The following MEGF9 variants were observed in gnomAD, a reference collection of about 807,000 sequenced individuals.
The protein encoded by MEGF9 is multiple epidermal growth factor-like domains protein 9.
Under a neutral mutation model 46.8 loss-of-function variants are expected in MEGF9, and 6 were observed. That is an observed-to-expected ratio of 0.13 (90% CI 0.07 to 0.25). The LOEUF is 0.25. Among genes scored for constraint, MEGF9 ranks in the 10% least tolerant of loss-of-function variants. The pLI is 1.00. For missense variants in MEGF9, 683 were observed against 792.4 expected, an observed-to-expected ratio of 0.86 and a Z score of 1.66; for synonymous variants, 302 against 330.7, an observed-to-expected ratio of 0.91 and a Z score of 0.94.
At chr9:120,636,817 G>C (rs1002249626) in intron 2 of MEGF9, among the ~76,000 whole-genome samples, 2 of 150,908 alleles carry the variant, frequency 1.3e-5, no homozygotes, top group Admixed American at 6.6e-5. Context: ...TGGGAGGTGG[G>C]GGGGCGCCCC....
At chr9:120,639,508 TA>T (rs61638928) in intron 2 of MEGF9, among the ~76,000 whole-genome samples, 1,940 of 105,176 alleles carry the variant, frequency 0.018, 24 homozygotes, top group African/African-American at 0.033. Context: ...ACTCCGTCTT[TA>T]AAAAAAAAAA....
At chr9:120,651,738 C>T (rs1486731166) in intron 2 of MEGF9, among the ~76,000 whole-genome samples, 4 of 151,204 alleles carry the variant, frequency 2.6e-5, no homozygotes, top group African/African-American at 4.9e-5. Context: ...CTGCAACCTC[C>T]GCCTCCCCGG....
rs892967616 is a variant in MEGF9 at position 120,644,231 on chromosome 9, T to C, written c.803+15143A>G. Among the ~76,000 whole-genome samples the C allele has an allele frequency of 5.3e-5, 8 of 152,218 alleles. No individual in the cohort carries two copies. In the South Asian group the frequency reaches 1.4e-3, roughly 28 times the overall value. ...TTTCTCAGTCTTTTCTTGTCTCTTA[T>C]GACCTTGAAGCTTTTAAGGGAACTT... is the stretch of plus-strand genomic sequence containing the variant. On this transcript the variant is annotated intron_variant, in intron 2 of 5. Coordinates refer to ENST00000373930, the MANE Select transcript of MEGF9 (RefSeq NM_001080497.3).
At chr9:120,642,072 T>A (rs2043605616) in intron 2 of MEGF9, among the ~76,000 whole-genome samples, 1 of 152,190 alleles carries the variant, frequency 6.6e-6, no homozygotes, top group African/African-American at 2.4e-5. Context: ...TGCCTGCCTT[T>A]TAACTTAAAC....
At chr9:120,709,234 T>C (rs1302080918) in intron 1 of MEGF9, among the ~76,000 whole-genome samples, 2 of 151,898 alleles carry the variant, frequency 1.3e-5, no homozygotes, top group East Asian at 1.9e-4. Flanking sequence ...CTGGCCAACA[T>C]GGTGAAACCC....
rs1301270589 is a variant in MEGF9, at chr9:120,713,986, T to C, written c.373A>G (p.Thr125Ala). The change falls in exon 1 of 6, where the codon ACC (threonine) becomes GCC (alanine). Residue 125 changes from threonine (T) to alanine (A), a missense_variant. Coordinates refer to ENST00000373930, the MANE Select transcript of MEGF9 (RefSeq NM_001080497.3). ...TFQAPLGPSP[T>A]TPPAAERTST... is the part of the protein sequence containing the mutation. ...GTGCGTTCCGCCGCCGGAGGGGTGG[T>C]CGGCGAGGGGCCGAGCGGCGCCTGA... 1.4e-6 allele frequency: 2 copies of C among 1,380,384 alleles called. No homozygotes were observed. Among genetic ancestry groups the C allele is most frequent in the African/African-American group, 3.0e-5 (2 of 66,886 alleles). 85.5% of individuals were successfully genotyped at this position (1,380,384 alleles called of 1,614,324 possible).
rs1401615780 is a variant in MEGF9, at chr9:120,601,215, T to A, written c.*3975A>T. On this transcript the variant is annotated 3_prime_UTR_variant, in exon 6 of 6. Transcript: ENST00000373930. ...CATTTAGCTTTTGGACTAACTTAGA[T>A]CTGAAGCCCTGGGCTTACTTTCTAG... 1 of 152,388 alleles carries A rather than the reference T, an allele frequency of 6.6e-6. No individual in the cohort carries two copies. Among genetic ancestry groups the A allele is most frequent in the Non-Finnish European group, 1.5e-5 (1 of 68,048 alleles). 9.4% of individuals were successfully genotyped at this position (152,388 alleles called of 1,614,324 possible).
intron 2 of MEGF9, among the ~76,000 whole-genome samples, chr9:120,658,613 T>G (rs1018621214): frequency 2.0e-5 from 3 of 152,112 alleles, no homozygotes; most frequent in Admixed American, 2.0e-4. Flanking sequence ...AGATCTTGGG[T>G]TATACCCAGG....
chr9:120,657,084 T>C (rs2043680717), intron 2 of MEGF9, among the ~76,000 whole-genome samples: 1 of 152,226 alleles, frequency 6.6e-6, no homozygotes, highest in South Asian at 2.1e-4. Context: ...TTGCAGCCCA[T>C]ACAGTCTCTA....
intron 1 of MEGF9, among the ~76,000 whole-genome samples, chr9:120,673,196 A>G (rs1258700047): frequency 6.6e-6 from 1 of 152,248 alleles, no homozygotes; most frequent in Non-Finnish European, 1.5e-5. Flanking sequence ...CTTTATGCTA[A>G]AAACTACAAA....
At chr9:120,658,599 C>G (rs2043687814) in intron 2 of MEGF9, among the ~76,000 whole-genome samples, 1 of 152,158 alleles carries the variant, frequency 6.6e-6, no homozygotes, top group Non-Finnish European at 1.5e-5. Flanking sequence ...TCCTAAGTGG[C>G]AGCAGATCTT....
At chr9:120,634,577 A>G (rs553166255) in intron 2 of MEGF9, among the ~76,000 whole-genome samples, 77 of 149,462 alleles carry the variant, frequency 5.2e-4, no homozygotes, top group African/African-American at 1.9e-3. Context: ...TGCCTCAGGA[A>G]TATCTTTTTC....
chr9:120,648,530 TAA>T (rs1280418673), intron 2 of MEGF9, among the ~76,000 whole-genome samples: 1 of 152,106 alleles, frequency 6.6e-6, no homozygotes, highest in Non-Finnish European at 1.5e-5. Context: ...CTGCCTCTCT[TAA>T]GATCTCCCCG....
intron 2 of MEGF9, among the ~76,000 whole-genome samples, chr9:120,624,207 T>A (rs2043513546): frequency 6.6e-6 from 1 of 152,132 alleles, no homozygotes; most frequent in Admixed American, 6.5e-5. Context: ...GTACATACCA[T>A]GCTTTATTTT....
intron 1 of MEGF9, among the ~76,000 whole-genome samples, chr9:120,683,646 T>C (rs1009870541): frequency 6.6e-6 from 1 of 152,202 alleles, no homozygotes; most frequent in Non-Finnish European, 1.5e-5. Flanking sequence ...TCTTTATAAA[T>C]TACCCAGTCT....
chr9:120,628,177 T>A (rs1022513409), intron 2 of MEGF9, among the ~76,000 whole-genome samples: 4 of 152,190 alleles, frequency 2.6e-5, no homozygotes, highest in Non-Finnish European at 5.9e-5. Flanking sequence ...TAATTTCATG[T>A]CTGGGTCATG....
At chr9:120,713,722 G>T in intron 1 of MEGF9, 36 bp downstream of exon 1, 2 of 1,276,562 alleles carry the variant, frequency 1.6e-6, no homozygotes, top group Non-Finnish European at 2.0e-6. Flanking sequence ...GCTGAGGTGA[G>T]GACGGGTCCT....
chr9:120,630,911 T>C (rs1038279827), intron 2 of MEGF9, among the ~76,000 whole-genome samples: 7 of 152,244 alleles, frequency 4.6e-5, no homozygotes, highest in African/African-American at 1.4e-4. Context: ...TTTGCAAATA[T>C]CTTCTCCCAT....
intron 1 of MEGF9, among the ~76,000 whole-genome samples, chr9:120,687,743 ATAG>A (rs956868718): frequency 6.7e-6 from 1 of 148,910 alleles, no homozygotes; most frequent in African/African-American, 2.5e-5. Context: ...CAAATTCAGG[ATAG>A]TGGTTACATC....
Sources: allele counts gnomAD v4.1 joint callset (sites outside exome capture counted in the v4.1 genomes callset), GRCh38; gene constraint gnomAD v4.1.1; transcripts MANE v1.5; gene names NCBI Gene and HGNC (gene_info 2026-07-23, HGNC 2026-07-21).